The following ABTB3 variants were observed in gnomAD, a reference collection of about 807,000 sequenced individuals.
ABTB3 encodes the protein ankyrin repeat and BTB domain containing 3.
chr12:107,418,399 C>G, the ABTB3 span, among the ~76,000 whole-genome samples: 6 of 152,134 alleles, frequency 3.9e-5, no homozygotes, highest in African/African-American at 1.4e-4. Flanking sequence ...AATAAACTCC[C>G]CTTTATATAT....
At chr12:107,580,528 G>C in the ABTB3 span, 3 of 175,364 alleles carry the variant, frequency 1.7e-5, no homozygotes, top group Non-Finnish European at 2.5e-5. Context: ...GCGCCACTGG[G>C]TGGCTGCCCA....
chr12:107,421,023 G>C, the ABTB3 span, among the ~76,000 whole-genome samples: 1 of 152,172 alleles, frequency 6.6e-6, no homozygotes, highest in Non-Finnish European at 1.5e-5. Flanking sequence ...AAAGAGTAGA[G>C]AGGTTTCAGT....
At chr12:107,522,802 G>GGGGAAGGGAA in the ABTB3 span, among the ~76,000 whole-genome samples, 9 of 147,048 alleles carry the variant, frequency 6.1e-5, no homozygotes, top group African/African-American at 1.0e-4. Flanking sequence ...GAGGGAGGGA[G>GGGGAAGGGAA]GGGAAGGGAA....
chr12:107,480,676 G>A, the ABTB3 span, among the ~76,000 whole-genome samples: 2 of 152,180 alleles, frequency 1.3e-5, no homozygotes, highest in African/African-American at 4.8e-5. Context: ...GGGGTCTGAG[G>A]ACTCCTCGAC....
chr12:107,446,944 T>C, the ABTB3 span, among the ~76,000 whole-genome samples: 1 of 152,152 alleles, frequency 6.6e-6, no homozygotes, highest in African/African-American at 2.4e-5. Flanking sequence ...TGTTATAATT[T>C]TAAAAGGGTG....
chr12:107,499,472 A>G, the ABTB3 span, among the ~76,000 whole-genome samples: 1 of 152,050 alleles, frequency 6.6e-6, no homozygotes, highest in Non-Finnish European at 1.5e-5. Flanking sequence ...GCTCTCTAAT[A>G]AATTAACTCA....
the ABTB3 span, among the ~76,000 whole-genome samples, chr12:107,499,362 C>CTGTGTGTGTGTGTG: frequency 1.8e-3 from 272 of 149,678 alleles, no homozygotes; most frequent in African/African-American, 6.2e-3. Context: ...AAGAGGGAAG[C>CTGTGTGTGTGTGTG]TGTGTGTGTG....
the ABTB3 span, among the ~76,000 whole-genome samples, chr12:107,377,201 G>A: frequency 6.6e-6 from 1 of 152,122 alleles, no homozygotes; most frequent in African/African-American, 2.4e-5. Context: ...GATTGATGTA[G>A]GGGTATAAAA....
chr12:107,450,260 T>C, the ABTB3 span, among the ~76,000 whole-genome samples: 1 of 152,162 alleles, frequency 6.6e-6, no homozygotes, highest in African/African-American at 2.4e-5. Flanking sequence ...TGCCTCTGGG[T>C]TGATATTGTA....
the ABTB3 span, among the ~76,000 whole-genome samples, chr12:107,439,542 A>G: frequency 4.2e-4 from 64 of 152,020 alleles, no homozygotes; most frequent in African/African-American, 1.5e-3. Context: ...GGCTCCACCT[A>G]ATGACCCCAC....
the ABTB3 span, among the ~76,000 whole-genome samples, chr12:107,614,832 C>G: frequency 6.6e-6 from 1 of 152,138 alleles, no homozygotes; most frequent in Non-Finnish European, 1.5e-5. Context: ...TTGCTTTGGT[C>G]TCTGTTCTTA....
the ABTB3 span, among the ~76,000 whole-genome samples, chr12:107,331,886 C>A: frequency 6.6e-6 from 1 of 152,022 alleles, no homozygotes; most frequent in Non-Finnish European, 1.5e-5. Context: ...GCAGGGGCCT[C>A]CCCCCCGCCC....
At chr12:107,636,519 A>G in the ABTB3 span, among the ~76,000 whole-genome samples, 28 of 152,230 alleles carry the variant, frequency 1.8e-4, no homozygotes, top group Non-Finnish European at 1.5e-5. Context: ...GTTTAGATTA[A>G]TTAAAAGGCT....
At chr12:107,344,103 A>G in the ABTB3 span, among the ~76,000 whole-genome samples, 1 of 152,194 alleles carries the variant, frequency 6.6e-6, no homozygotes, top group Non-Finnish European at 1.5e-5. Context: ...CATGGTCCCA[A>G]TATGGCTGCT....
the ABTB3 span, among the ~76,000 whole-genome samples, chr12:107,613,440 A>G: frequency 6.6e-6 from 1 of 151,036 alleles, no homozygotes; most frequent in Non-Finnish European, 1.5e-5. Context: ...CCCCCCAGAA[A>G]CCCTCCCCTC....
At chr12:107,459,725 C>A in the ABTB3 span, among the ~76,000 whole-genome samples, 2 of 152,230 alleles carry the variant, frequency 1.3e-5, no homozygotes, top group African/African-American at 4.8e-5. Flanking sequence ...ATTAAGTGAC[C>A]TGCATTGTGG....
chr12:107,449,350 A>G, the ABTB3 span, among the ~76,000 whole-genome samples: 147 of 152,218 alleles, frequency 9.7e-4, 1 homozygote, highest in African/African-American at 3.3e-3. Context: ...GGCTGTGTCA[A>G]CATCATACAC....
At chr12:107,636,274 G>A in the ABTB3 span, among the ~76,000 whole-genome samples, 1 of 152,200 alleles carries the variant, frequency 6.6e-6, no homozygotes, top group South Asian at 2.1e-4. Flanking sequence ...CCTACAAAAA[G>A]GAGAAGGAAT....
At chr12:107,367,021 C>T in the ABTB3 span, among the ~76,000 whole-genome samples, 4 of 152,212 alleles carry the variant, frequency 2.6e-5, no homozygotes, top group African/African-American at 9.7e-5. Flanking sequence ...TCAGCTGGAG[C>T]ACAGCCCCCA....
Sources: gnomAD v4.1 joint callset for allele counts (sites outside exome capture counted in the v4.1 genomes callset) on GRCh38, gnomAD v4.1.1 for gene constraint, MANE v1.5 for transcripts, NCBI Gene and HGNC (gene_info 2026-07-23, HGNC 2026-07-21) for gene names.